The following AOPEP variants were observed in gnomAD, a reference collection of about 807,000 sequenced individuals.
AOPEP encodes the protein aminopeptidase O (putative).
In AOPEP, 77 loss-of-function variants were observed where a neutral mutation model predicts 98.1. That is an observed-to-expected ratio of 0.78 (90% CI 0.65 to 0.95). The LOEUF (loss-of-function observed/expected upper bound fraction) is 0.95. Ranked by LOEUF, AOPEP falls within the 40% of genes least tolerant of loss-of-function variation. The probability of loss-of-function intolerance (pLI) is 0.00; values close to 1 mark genes in which losing one functional copy is unlikely to be tolerated. For missense variants in AOPEP, 1,024 were observed against 1,024.7 expected (o/e 1.00, Z 0.01); for synonymous variants, 346 against 365.3 (o/e 0.95, Z 0.60).
intron 11 of AOPEP, among the ~76,000 whole-genome samples, chr9:94,992,737 C>T (rs1376267172): frequency 6.6e-6 from 1 of 152,190 alleles, no homozygotes; most frequent in Admixed American, 6.5e-5. Context: ...TGGGTGAAGG[C>T]ACTCTGGGCT....
At chr9:95,003,637 CATTAACTATTTAT>C (rs1328701330) in intron 11 of AOPEP, among the ~76,000 whole-genome samples, 1 of 152,148 alleles carries the variant, frequency 6.6e-6, no homozygotes, top group Non-Finnish European at 1.5e-5. Context: ...ATTTCCAAAC[CATTAACTATTTAT>C]ATATATTTCC....
chr9:94,751,099 G>A lies in AOPEP; in HGVS notation c.-135-8550G>A, dbSNP rs562020448. Among the ~76,000 whole-genome samples, 43 of 152,166 alleles carry A rather than the reference G, an allele frequency of 2.8e-4. No individual in the cohort carries two copies. In the South Asian group the frequency reaches 8.5e-3, roughly 30 times the overall value. Reference sequence around the variant, plus strand: ...AAATTGCAACCTCTGGCATAAATGGGTTAACTGCCTTGCCTGGCACCAACT... The same window carrying A: ...AAATTGCAACCTCTGGCATAAATGGATTAACTGCCTTGCCTGGCACCAACT... On this transcript the variant is annotated intron_variant, in intron 1 of 16. Transcript: ENST00000375315.
intron 5 of AOPEP, among the ~76,000 whole-genome samples, chr9:94,917,758 G>GT (rs1393806851): frequency 6.6e-6 from 1 of 151,972 alleles, no homozygotes; most frequent in African/African-American, 2.4e-5. Context: ...TCCCTTTGTT[G>GT]TCTGTCCTTC....
intron 1 of AOPEP, among the ~76,000 whole-genome samples, chr9:94,735,561 C>T (rs1831564261): frequency 6.6e-6 from 1 of 152,184 alleles, no homozygotes. Flanking sequence ...CACCAGCCCA[C>T]CCCCAACCTG....
chr9:94,971,702 C>T (rs1201694184), intron 10 of AOPEP, among the ~76,000 whole-genome samples: 1 of 152,210 alleles, frequency 6.6e-6, no homozygotes, highest in Non-Finnish European at 1.5e-5. Context: ...CTTTGATTTA[C>T]TCAACATTCT....
chr9:95,082,819 G>A (rs1001685154), intron 16 of AOPEP, 100 bp downstream of exon 16: 19 of 1,366,722 alleles, frequency 1.4e-5, no homozygotes, highest in African/African-American at 2.9e-5. Flanking sequence ...AAGACTACCC[G>A]CAGCATCAAT....
intron 5 of AOPEP, among the ~76,000 whole-genome samples, chr9:94,826,497 T>A (rs1854592339): frequency 6.6e-6 from 1 of 152,178 alleles, no homozygotes. Flanking sequence ...TAGGAATCTC[T>A]CTTCAGCTCG....
chr9:95,123,631 C>T, the AOPEP span: 1 of 609,388 alleles, frequency 1.6e-6, no homozygotes, highest in Middle Eastern at 2.8e-4. Context: ...AGGCTATTAA[C>T]AAATTCATCA....
At chr9:95,074,211 C>T (rs1035452896) in intron 14 of AOPEP, among the ~76,000 whole-genome samples, 6 of 152,190 alleles carry the variant, frequency 3.9e-5, no homozygotes, top group Admixed American at 3.9e-4. Flanking sequence ...CACAGACATA[C>T]CCCGTCCTCC....
intron 5 of AOPEP, among the ~76,000 whole-genome samples, chr9:94,897,153 G>A (rs2049695749): frequency 6.6e-6 from 1 of 151,486 alleles, no homozygotes; most frequent in South Asian, 2.1e-4. Flanking sequence ...AATGATGAGG[G>A]GTTCTATTAT....
chr9:95,050,026 C>G (rs1015337158), intron 13 of AOPEP, among the ~76,000 whole-genome samples: 1 of 152,178 alleles, frequency 6.6e-6, no homozygotes, highest in Non-Finnish European at 1.5e-5. Flanking sequence ...AAGATTATGT[C>G]TAAACTCATA....
chr9:94,831,468 A>C (rs1249341587), intron 5 of AOPEP, among the ~76,000 whole-genome samples: 1 of 152,064 alleles, frequency 6.6e-6, no homozygotes, highest in Non-Finnish European at 1.5e-5. Flanking sequence ...CTTGTAGTGT[A>C]GTTTGAAGTT....
intron 5 of AOPEP, among the ~76,000 whole-genome samples, chr9:94,806,793 G>A (rs1421738518): frequency 6.6e-6 from 1 of 152,166 alleles, no homozygotes; most frequent in African/African-American, 2.4e-5. Flanking sequence ...TGTTCGTCTT[G>A]ACAATACCAC....
intron 5 of AOPEP, among the ~76,000 whole-genome samples, chr9:94,865,977 A>G (rs1171031538): frequency 6.6e-6 from 1 of 152,254 alleles, no homozygotes; most frequent in Non-Finnish European, 1.5e-5. Context: ...CAGATTTGCT[A>G]CATTTACAGA....
At position 94,779,268 on chromosome 9, in the gene AOPEP, A is replaced by G. The variant is rs1225586540; in HGVS notation, c.964+6100A>G. Reference sequence around the variant, plus strand: ...TGAAACACTGCAATTTCAGATAGGCACTGATAGGTGGCCTACTCACATTTC... The same window carrying G: ...TGAAACACTGCAATTTCAGATAGGCGCTGATAGGTGGCCTACTCACATTTC... On this transcript the variant is annotated intron_variant, in intron 3 of 16. Coordinates refer to ENST00000375315, the MANE Select transcript of AOPEP (RefSeq NM_001193329.3). 2.0e-5 allele frequency among the ~76,000 whole-genome samples: 3 copies of G among 152,190 alleles called. No individual in the cohort carries two copies. The East Asian group carries it at 5.8e-4, about 29-fold the overall frequency.
In AOPEP at chr9:95,005,569, A is replaced by G. The variant is rs371947769; in HGVS notation, c.2068A>G (p.Arg690Gly). 1.2e-6 allele frequency: 2 copies of G among 1,614,018 alleles called. No homozygotes were observed. Among genetic ancestry groups the G allele is most frequent in the Non-Finnish European group, 1.7e-6 (2 of 1,179,936 alleles). ...EVTKWIGVNR[R>G]PRKRKRREKE... ...CACGAAATGGATTGGAGTGAACCGG[A>G]GACCCCGAAAACGGAAGCGCAGGGA... is the stretch of plus-strand genomic sequence containing the variant. The change falls in exon 13 of 17, where the codon AGA becomes GGA. Residue 690 changes from arginine (R) to glycine (G), a missense_variant. Transcript: ENST00000375315.
intron 5 of AOPEP, among the ~76,000 whole-genome samples, chr9:94,873,824 G>A (rs966341827): frequency 6.6e-6 from 1 of 151,970 alleles, no homozygotes; most frequent in African/African-American, 2.4e-5. Flanking sequence ...CAAATTTTCA[G>A]GTAGTAGAAG....
At chr9:95,149,073 A>AT in the AOPEP span, among the ~76,000 whole-genome samples, 75 of 147,078 alleles carry the variant, frequency 5.1e-4, 1 homozygote, top group South Asian at 6.5e-4. Flanking sequence ...TTTGTCAAAC[A>AT]TTTTTTTTTT....
At chr9:94,840,447 C>T (rs1442317355) in intron 5 of AOPEP, among the ~76,000 whole-genome samples, 2 of 152,112 alleles carry the variant, frequency 1.3e-5, no homozygotes, top group Non-Finnish European at 2.9e-5. Flanking sequence ...GGGATATTGG[C>T]CTGCAGTTTT....
Sources: gnomAD v4.1 joint callset for allele counts (sites outside exome capture counted in the v4.1 genomes callset) on GRCh38, gnomAD v4.1.1 for gene constraint, MANE v1.5 for transcripts, NCBI Gene and HGNC (gene_info 2026-07-23, HGNC 2026-07-21) for gene names.